Variants in RORA observed in about 807,000 individuals in gnomAD.
The protein encoded by RORA is nuclear receptor ROR-alpha.
In RORA, 7 loss-of-function variants were observed where a neutral mutation model predicts 69.5. The observed-to-expected ratio is 0.10, with a 90% CI of 0.06 to 0.19. RORA has a LOEUF of 0.19. RORA is among the 10% of genes least tolerant of loss of function. The probability of loss-of-function intolerance (pLI) is 1.00; values close to 1 mark genes in which losing one functional copy is unlikely to be tolerated. For missense variants in RORA, 457 were observed against 663.0 expected (o/e 0.69, Z 3.41); for synonymous variants, 261 against 240.8 (o/e 1.08, Z -0.78).
At chr15:60,783,605 C>T (rs1567189561) in intron 1 of RORA, among the ~76,000 whole-genome samples, 2 of 152,296 alleles carry the variant, frequency 1.3e-5, no homozygotes, top group Non-Finnish European at 2.9e-5. Context: ...AGGCTTAAAA[C>T]GTCGCATCCT....
At position 61,147,768 on chromosome 15, in the gene RORA, T is replaced by TGC. The variant is rs1567011278; in HGVS notation, c.166+81284_166+81285insGC. Among the ~76,000 whole-genome samples, 2 of 132,960 alleles carry TGC rather than the reference T, an allele frequency of 1.5e-5. No homozygotes were observed. The highest frequency in any genetic ancestry group is 1.8e-4 in the Admixed American group (2 of 11,254). The allele number at this position is 132,960 out of a possible 152,430, so 87.2% of individuals were successfully genotyped here. ...GTCAGTAGGCACGTGCGCACACGCG[T>TGC]GTGTGTGTGTGTGTGTGTGTGTGTG... On this transcript the variant is annotated intron_variant, in intron 1 of 10. Coordinates refer to ENST00000335670, the MANE Select transcript of RORA (RefSeq NM_134261.3). The surrounding 1 kb of genome is among the most constrained non-coding windows in gnomAD (Gnocchi z 4.1).
intron 1 of RORA, among the ~76,000 whole-genome samples, chr15:61,174,190 G>A (rs1393518679): frequency 6.6e-6 from 1 of 152,154 alleles, no homozygotes; most frequent in African/African-American, 2.4e-5. Context: ...TCCCAGGCCT[G>A]GCTCAAAGGT....
chr15:60,492,069 A>G lies in RORA; in HGVS notation c.*5386T>C, dbSNP rs1405791279. The G allele has an allele frequency of 6.7e-6, 1 of 148,562 alleles. No individual in the cohort carries two copies. The highest frequency in any genetic ancestry group is 2.6e-5 in the African/African-American group (1 of 37,964). 9.2% of individuals were successfully genotyped at this position (148,562 alleles called of 1,614,324 possible). ...ACATATACAAATACACATAGAGAGG[A>G]GAGATTTCTACCATTTTCCATATTC... On this transcript the variant is annotated 3_prime_UTR_variant, in exon 11 of 11. Coordinates refer to ENST00000335670, the MANE Select transcript of RORA (RefSeq NM_134261.3).
intron 1 of RORA, among the ~76,000 whole-genome samples, chr15:60,787,289 G>A (rs1419874042): frequency 6.6e-6 from 1 of 152,190 alleles, no homozygotes; most frequent in Non-Finnish European, 1.5e-5. Context: ...AGGCATGCAC[G>A]CGATTCAACA....
chr15:61,175,244 T>G (rs2079617529), intron 1 of RORA, among the ~76,000 whole-genome samples: 1 of 152,150 alleles, frequency 6.6e-6, no homozygotes, highest in Non-Finnish European at 1.5e-5. Flanking sequence ...TCCATGGTCC[T>G]GAAAATTTAG....
At chr15:60,934,467 TTTG>T (rs59877483) in intron 1 of RORA, among the ~76,000 whole-genome samples, 87,007 of 146,868 alleles carry the variant, frequency 0.59, 26,569 homozygotes, top group Non-Finnish European at 0.68. Context: ...GGCCCAAGAG[TTTG>T]TTGTTGTTGT....
intron 1 of RORA, among the ~76,000 whole-genome samples, chr15:60,717,663 C>T (rs932502356): frequency 1.3e-5 from 2 of 152,118 alleles, no homozygotes; most frequent in South Asian, 2.1e-4. Flanking sequence ...CTATTATGTG[C>T]CAGACAATAA....
intron 1 of RORA, among the ~76,000 whole-genome samples, chr15:61,017,135 T>C (rs942931288): frequency 6.6e-6 from 1 of 152,218 alleles, no homozygotes; most frequent in Admixed American, 6.5e-5. Context: ...CAGGCTCTTT[T>C]GATTCCTACG....
intron 1 of RORA, among the ~76,000 whole-genome samples, chr15:60,705,932 T>A (rs62002729): frequency 0.059 from 9,020 of 152,202 alleles, 291 homozygotes; most frequent in Non-Finnish European, 0.075. Context: ...ATCTAATTAA[T>A]CCTCTTAGGG....
chr15:60,706,893 A>G (rs1375115502), intron 1 of RORA, among the ~76,000 whole-genome samples: 3 of 152,236 alleles, frequency 2.0e-5, no homozygotes, highest in East Asian at 3.8e-4. Flanking sequence ...CAGTCAAATT[A>G]ACAAACTAGT....
chr15:60,881,777 AC>A (rs1245998107), intron 1 of RORA, among the ~76,000 whole-genome samples: 4 of 152,214 alleles, frequency 2.6e-5, no homozygotes, highest in Non-Finnish European at 2.9e-5. Flanking sequence ...GGGGCCATTC[AC>A]CAAAAAAGAG....
intron 1 of RORA, among the ~76,000 whole-genome samples, chr15:61,153,087 A>G (rs1185193280): frequency 6.6e-6 from 1 of 152,150 alleles, no homozygotes; most frequent in African/African-American, 2.4e-5. Flanking sequence ...CCTATCAGAA[A>G]AAAAGTCACG....
chr15:60,516,782 A>G (rs1366686475), intron 3 of RORA, among the ~76,000 whole-genome samples: 1 of 152,202 alleles, frequency 6.6e-6, no homozygotes, highest in East Asian at 1.9e-4. Context: ...TCTTCACAGT[A>G]CTATCTATAA....
intron 1 of RORA, among the ~76,000 whole-genome samples, chr15:61,059,988 GGAAGAA>G (rs71122901): frequency 0.042 from 3,570 of 85,682 alleles, 76 homozygotes; most frequent in Admixed American, 0.046. Flanking sequence ...AAGAGGAAGA[GGAAGAA>G]GAAGAAGAAG....
chr15:61,054,951 C>T (rs927688018), intron 1 of RORA, among the ~76,000 whole-genome samples: 1 of 152,020 alleles, frequency 6.6e-6, no homozygotes, highest in African/African-American at 2.4e-5. Flanking sequence ...ATCCTCCCAC[C>T]TCAGCTTCCT....
chr15:60,985,949 C>T (rs1431878635), intron 1 of RORA, among the ~76,000 whole-genome samples: 1 of 152,102 alleles, frequency 6.6e-6, no homozygotes, highest in Non-Finnish European at 1.5e-5. Flanking sequence ...ATTAAAACTT[C>T]CACAGTATTT....
intron 1 of RORA, among the ~76,000 whole-genome samples, chr15:61,112,062 C>T (rs2079010995): frequency 6.6e-6 from 1 of 152,152 alleles, no homozygotes; most frequent in Non-Finnish European, 1.5e-5. Flanking sequence ...GTAAACTCCA[C>T]ACTATTCAAA....
intron 1 of RORA, among the ~76,000 whole-genome samples, chr15:60,810,493 T>C (rs924887526): frequency 2.6e-5 from 4 of 152,166 alleles, no homozygotes; most frequent in South Asian, 2.1e-4. Context: ...AACTTCAGTG[T>C]TGGGAAATTT....
At position 61,226,334 on chromosome 15, in the gene RORA, G is replaced by GTTTGC. The variant is rs1185784110; in HGVS notation, c.166+2714_166+2718dup. ...AAAATGCTAATCATAAGGTGATGAT[G>GTTTGC]TTTGCTTTTCCTTTCTAGTTGTGTG... is the stretch of plus-strand genomic sequence containing the variant. On this transcript the variant is annotated intron_variant, in intron 1 of 10. Transcript: ENST00000335670. The surrounding 1 kb of genome is among the most constrained non-coding windows in gnomAD (Gnocchi z 4.2). Among the ~76,000 whole-genome samples the GTTTGC allele has an allele frequency of 2.0e-5, 3 of 152,132 alleles. No individual in the cohort carries two copies. Among genetic ancestry groups the GTTTGC allele is most frequent in the Non-Finnish European group, 4.4e-5 (3 of 68,014 alleles).
Sources: allele counts gnomAD v4.1 joint callset (sites outside exome capture counted in the v4.1 genomes callset), GRCh38; gene constraint gnomAD v4.1.1; non-coding constraint Gnocchi (gnomAD v3.1); transcripts MANE v1.5; gene names NCBI Gene and HGNC (gene_info 2026-07-23, HGNC 2026-07-21).